TENM4: variants seen among roughly 807,000 people sequenced by gnomAD.
TENM4 encodes teneurin transmembrane protein 4.
Under a neutral mutation model 243.3 loss-of-function variants are expected in TENM4, and 82 were observed. The ratio of observed to expected loss-of-function variants is 0.34; its 90% CI spans 0.28 to 0.40. TENM4 has a LOEUF of 0.40. Among genes scored for constraint, TENM4 ranks in the 10% least tolerant of loss-of-function variants. The pLI is 1.00. For synonymous variants in TENM4, 1,412 were observed against 1,456.3 expected (o/e 0.97, Z 0.69); for missense variants, 3,138 against 3,673.3 (o/e 0.85, Z 3.77).
intron 7 of TENM4, among the ~76,000 whole-genome samples, chr11:78,899,205 G>A (rs1451916495): frequency 6.6e-6 from 1 of 152,106 alleles, no homozygotes; most frequent in African/African-American, 2.4e-5. Context: ...TGAGTATGAA[G>A]CACAATTACC....
At chr11:78,978,893 A>T (rs1034383671) in intron 6 of TENM4, among the ~76,000 whole-genome samples, 1 of 151,882 alleles carries the variant, frequency 6.6e-6, no homozygotes, top group African/African-American at 2.4e-5. Flanking sequence ...GCACTGAGTG[A>T]AGTTTGTGTA....
chr11:79,402,187 C>A, intron 1 of TENM4: 1 of 251,864 alleles, frequency 4.0e-6, no homozygotes. Context: ...AGAAGTCAGG[C>A]TTCAGGAATT....
intron 1 of TENM4, among the ~76,000 whole-genome samples, chr11:79,327,936 G>A (rs762867966): frequency 2.8e-4 from 43 of 152,122 alleles, no homozygotes; most frequent in African/African-American, 3.6e-4. Flanking sequence ...GAATAGATGC[G>A]TCAGTGCACT....
At chr11:79,316,810 C>A (rs1856810295) in intron 1 of TENM4, among the ~76,000 whole-genome samples, 1 of 152,084 alleles carries the variant, frequency 6.6e-6, no homozygotes, top group Non-Finnish European at 1.5e-5. Context: ...CACTGCCCAC[C>A]ACCAACCAAA....
intron 3 of TENM4, among the ~76,000 whole-genome samples, chr11:79,200,296 G>A (rs1201806374): frequency 1.3e-5 from 2 of 152,350 alleles, no homozygotes; most frequent in South Asian, 2.1e-4. Context: ...GCAGTCCGAT[G>A]CTGGGCATCA....
intron 3 of TENM4, among the ~76,000 whole-genome samples, chr11:79,158,021 T>C (rs938417240): frequency 6.6e-6 from 1 of 152,162 alleles, no homozygotes; most frequent in Non-Finnish European, 1.5e-5. Flanking sequence ...AGCACAATTA[T>C]GCTGTGCAGC....
At chr11:79,253,606 G>C (rs1223870564) in intron 2 of TENM4, among the ~76,000 whole-genome samples, 1 of 152,184 alleles carries the variant, frequency 6.6e-6, no homozygotes, top group Non-Finnish European at 1.5e-5. Context: ...GGAACTGTCT[G>C]ATTGGTACAG....
chr11:78,993,426 T>C (rs376449898), intron 6 of TENM4, among the ~76,000 whole-genome samples: 10 of 152,302 alleles, frequency 6.6e-5, no homozygotes, highest in African/African-American at 2.2e-4. Flanking sequence ...TTACATCAAA[T>C]TTGAAAAAAT....
intron 15 of TENM4, among the ~76,000 whole-genome samples, chr11:78,800,537 T>C (rs1184236988): frequency 6.6e-6 from 1 of 152,160 alleles, no homozygotes; most frequent in Non-Finnish European, 1.5e-5. Context: ...TTAGGTTCGC[T>C]GTCGGGTAGT....
At chr11:78,786,209 C>G (rs540376676) in intron 16 of TENM4, among the ~76,000 whole-genome samples, 1 of 152,172 alleles carries the variant, frequency 6.6e-6, no homozygotes, top group African/African-American at 2.4e-5. Context: ...GAGCTGGTGC[C>G]GAGGAGACCC....
intron 15 of TENM4, among the ~76,000 whole-genome samples, chr11:78,789,494 C>G (rs1478936749): frequency 2.0e-5 from 3 of 152,210 alleles, no homozygotes; most frequent in Non-Finnish European, 4.4e-5. Flanking sequence ...ATTGAAAGGG[C>G]AATGACTTCC....
chr11:79,045,845 C>G (rs188814430), intron 6 of TENM4, among the ~76,000 whole-genome samples: 1 of 152,244 alleles, frequency 6.6e-6, no homozygotes, highest in East Asian at 1.9e-4. Context: ...TGGCAGAAAT[C>G]CCCACCCACT....
At chr11:78,702,424 A>T in intron 27 of TENM4, 21 bp from the exon 28 acceptor site, 1 of 1,594,344 alleles carries the variant, frequency 6.3e-7, no homozygotes, top group Non-Finnish European at 8.5e-7. Context: ...AGACACCGAT[A>T]CTCAAATGAC....
chr11:79,045,666 G>A lies in TENM4; in HGVS notation c.493+19072C>T, dbSNP rs373233022. 1.3e-4 allele frequency among the ~76,000 whole-genome samples: 20 copies of A among 152,076 alleles called. 1 individual carries two copies. In the South Asian group the frequency reaches 4.1e-3, roughly 32 times the overall value. The stretch of plus-strand genomic sequence containing the variant: ...TAATGAGTGATTTATTGGTGCTGCT[G>A]CAGAAGCAGCTTCTCTGGGACCTGT... On this transcript the variant is annotated intron_variant, in intron 6 of 33. Coordinates refer to ENST00000278550, the MANE Select transcript of TENM4 (RefSeq NM_001098816.3).
chr11:79,185,682 T>C (rs539423997), intron 3 of TENM4, among the ~76,000 whole-genome samples: 4 of 152,206 alleles, frequency 2.6e-5, no homozygotes, highest in Non-Finnish European at 5.9e-5. Context: ...TGCCCAAGTT[T>C]GGAGGTGCAA....
At chr11:79,191,158 G>A (rs1389442596) in intron 3 of TENM4, among the ~76,000 whole-genome samples, 12 of 72,326 alleles carry the variant, frequency 1.7e-4, no homozygotes, top group Non-Finnish European at 2.6e-4. Context: ...TCCTTTCCAC[G>A]GTCTCCCTCT....
chr11:79,204,094 G>A (rs1166460991), intron 3 of TENM4, among the ~76,000 whole-genome samples: 2 of 151,336 alleles, frequency 1.3e-5, no homozygotes, highest in Admixed American at 1.3e-4. Context: ...GGAATAAGGT[G>A]GTGCAGGGGG....
intron 2 of TENM4, among the ~76,000 whole-genome samples, chr11:79,236,041 G>C (rs750800491): frequency 3.3e-5 from 5 of 152,078 alleles, no homozygotes; most frequent in Admixed American, 2.6e-4. Context: ...TTCTGTTTTC[G>C]GGAGACTTGA....
chr11:78,933,226 A>C (rs1474454811), intron 6 of TENM4, among the ~76,000 whole-genome samples: 2 of 152,024 alleles, frequency 1.3e-5, no homozygotes, highest in Non-Finnish European at 2.9e-5. Flanking sequence ...ATTGGTAAGG[A>C]GGGGATAATA....
Sources: allele counts gnomAD v4.1 joint callset (sites outside exome capture counted in the v4.1 genomes callset), GRCh38; gene constraint gnomAD v4.1.1; transcripts MANE v1.5; gene names NCBI Gene and HGNC (gene_info 2026-07-23, HGNC 2026-07-21).